NKAIN2: variants seen among roughly 807,000 people sequenced by gnomAD.
NKAIN2 encodes sodium/potassium-transporting ATPase subunit beta-1-interacting protein 2.
In NKAIN2, 14 loss-of-function variants were observed where a neutral mutation model predicts 32.6. The ratio of observed to expected loss-of-function variants is 0.43; its 90% confidence interval spans 0.28 to 0.67. NKAIN2 has a LOEUF of 0.67. NKAIN2 is among the 30% of genes least tolerant of loss of function. The probability of loss-of-function intolerance (pLI) is 0.17; values close to 1 mark genes in which losing one functional copy is unlikely to be tolerated. For synonymous variants in NKAIN2, 80 were observed against 87.2 expected (o/e 0.92, Z 0.46); for missense variants, 198 against 258.3 (o/e 0.77, Z 1.60).
At chr6:124,279,406 C>A (rs925902814) in intron 1 of NKAIN2, among the ~76,000 whole-genome samples, 4 of 150,714 alleles carry the variant, frequency 2.7e-5, no homozygotes, top group African/African-American at 9.8e-5. Flanking sequence ...ACTTGGGAGG[C>A]TGAGGCAGGA....
At chr6:124,735,106 T>G (rs1776872599) in intron 4 of NKAIN2, among the ~76,000 whole-genome samples, 2 of 151,940 alleles carry the variant, frequency 1.3e-5, no homozygotes, top group South Asian at 4.1e-4. Context: ...AGAATTAACA[T>G]TAAAATCTGA....
intron 1 of NKAIN2, among the ~76,000 whole-genome samples, chr6:123,935,792 C>A (rs1360550803): frequency 1.3e-5 from 2 of 152,078 alleles, no homozygotes; most frequent in Non-Finnish European, 2.9e-5. Flanking sequence ...ACCATGGAAA[C>A]TGTGCTACAT....
chr6:124,078,785 T>TG lies in NKAIN2; in HGVS notation c.55-204220_55-204219insG, dbSNP rs1363899615. On this transcript the variant is annotated intron_variant, in intron 1 of 6. Transcript: ENST00000368417. ...ACAAGCCAAAAATGGCTATGTCGTT[T>TG]TTGTGTGTGTGTGTGTGTGTGTGTG... 9.8e-3 allele frequency among the ~76,000 whole-genome samples: 1,261 copies of TG among 128,384 alleles called. 17 individuals are homozygous for TG. The highest frequency in any genetic ancestry group is 0.033 in the African/African-American group (1,209 of 36,470). 84.2% of individuals were successfully genotyped at this position (128,384 alleles called of 152,430 possible). A position where few individuals can be genotyped will look rare whatever the true frequency, so the allele number is the denominator to read the frequency against.
intron 1 of NKAIN2, among the ~76,000 whole-genome samples, chr6:124,058,764 A>T (rs778276551): frequency 6.6e-6 from 1 of 152,148 alleles, no homozygotes; most frequent in Non-Finnish European, 1.5e-5. Context: ...TTAAAATGAT[A>T]TGAAAGTCTA....
At chr6:124,266,793 A>G (rs1794512227) in intron 1 of NKAIN2, among the ~76,000 whole-genome samples, 1 of 152,226 alleles carries the variant, frequency 6.6e-6, no homozygotes, top group African/African-American at 2.4e-5. Flanking sequence ...AGATAAAGAT[A>G]TGGATGTGGA....
intron 1 of NKAIN2, among the ~76,000 whole-genome samples, chr6:124,279,812 T>C (rs11752457): frequency 0.13 from 20,122 of 152,014 alleles, 1,466 homozygotes; most frequent in East Asian, 0.26. Context: ...ATCACATTCA[T>C]TGTATAAAAG....
chr6:124,012,699 G>A (rs897959703), intron 1 of NKAIN2, among the ~76,000 whole-genome samples: 1 of 152,100 alleles, frequency 6.6e-6, no homozygotes, highest in African/African-American at 2.4e-5. Context: ...TCCATTTTAT[G>A]GATGTACCAC....
chr6:124,223,198 G>A (rs1436163125), intron 1 of NKAIN2, among the ~76,000 whole-genome samples: 1 of 118,172 alleles, frequency 8.5e-6, no homozygotes, highest in African/African-American at 3.1e-5. Flanking sequence ...GGGCGACAGT[G>A]TGAGACTCCA....
At chr6:123,872,304 T>C (rs564196202) in intron 1 of NKAIN2, among the ~76,000 whole-genome samples, 28 of 152,314 alleles carry the variant, frequency 1.8e-4, no homozygotes, top group Non-Finnish European at 3.4e-4. Context: ...GATAATGCCC[T>C]GAGGAAGCTT....
chr6:123,920,996 G>T (rs143775034), intron 1 of NKAIN2, among the ~76,000 whole-genome samples: 2 of 152,164 alleles, frequency 1.3e-5, no homozygotes, highest in East Asian at 3.9e-4. Context: ...TGACTGTGGG[G>T]TGGAGTGGCA....
chr6:124,752,923 G>T (rs796392867), intron 4 of NKAIN2, among the ~76,000 whole-genome samples: 1 of 151,938 alleles, frequency 6.6e-6, no homozygotes, highest in Admixed American at 6.6e-5. Context: ...AGGAACAAAA[G>T]AAATCCAAAT....
At chr6:123,998,626 G>A (rs925528679) in intron 1 of NKAIN2, among the ~76,000 whole-genome samples, 15 of 151,976 alleles carry the variant, frequency 9.9e-5, no homozygotes, top group Non-Finnish European at 1.9e-4. Flanking sequence ...GCTGTGAACA[G>A]GGGAGTACTA....
At chr6:123,907,529 C>A (rs1177117014) in intron 1 of NKAIN2, among the ~76,000 whole-genome samples, 3 of 152,080 alleles carry the variant, frequency 2.0e-5, no homozygotes, top group Admixed American at 1.3e-4. Flanking sequence ...ACTGGAACCC[C>A]AGTTTTCCAT....
chr6:124,106,936 T>TATTAGAG (rs1453717016), intron 1 of NKAIN2, among the ~76,000 whole-genome samples: 1 of 152,132 alleles, frequency 6.6e-6, no homozygotes, highest in African/African-American at 2.4e-5. Context: ...ACATATACCA[T>TATTAGAG]ATTAGAGATA....
intron 3 of NKAIN2, among the ~76,000 whole-genome samples, chr6:124,418,584 C>CTA (rs1774605780): frequency 6.8e-6 from 1 of 147,410 alleles, no homozygotes; most frequent in South Asian, 2.1e-4. Context: ...TATCTATAAA[C>CTA]TATATATATA....
At chr6:124,303,369 G>T (rs556351873) in intron 2 of NKAIN2, among the ~76,000 whole-genome samples, 1 of 151,938 alleles carries the variant, frequency 6.6e-6, no homozygotes, top group Non-Finnish European at 1.5e-5. Flanking sequence ...CATAGTCTTC[G>T]GCAGCAGCAA....
chr6:124,405,480 T>G (rs186969203), intron 3 of NKAIN2, among the ~76,000 whole-genome samples: 2 of 152,190 alleles, frequency 1.3e-5, no homozygotes, highest in East Asian at 3.9e-4. Context: ...TTGGTGATAT[T>G]TAGAAAGTCT....
intron 3 of NKAIN2, among the ~76,000 whole-genome samples, chr6:124,583,645 A>C (rs766345647): frequency 3.3e-5 from 5 of 152,210 alleles, no homozygotes; most frequent in Non-Finnish European, 5.9e-5. Flanking sequence ...ATCAGCAGAC[A>C]TATGGTATAT....
At chr6:124,308,287 C>A (rs543868051) in intron 2 of NKAIN2, among the ~76,000 whole-genome samples, 1 of 152,186 alleles carries the variant, frequency 6.6e-6, no homozygotes, top group Admixed American at 6.5e-5. Context: ...TGATGGCTTC[C>A]AGCTTCATCC....
Sources: gnomAD v4.1 joint callset for allele counts (sites outside exome capture counted in the v4.1 genomes callset) on GRCh38, gnomAD v4.1.1 for gene constraint, MANE v1.5 for transcripts, NCBI Gene and HGNC (gene_info 2026-07-23, HGNC 2026-07-21) for gene names.